The following DMD variants were observed in gnomAD, a reference collection of about 807,000 sequenced individuals.
The protein encoded by DMD is dystrophin.
In DMD, 63 loss-of-function variants were observed where a neutral mutation model predicts 330.1. The ratio of observed to expected loss-of-function variants is 0.19; its 90% CI spans 0.16 to 0.24. DMD has a LOEUF of 0.24. Ranked by LOEUF, DMD falls within the 10% of genes least tolerant of loss-of-function variation. The pLI is 1.00. For missense variants in DMD, 3,344 were observed against 2,684.1 expected (o/e 1.25, Z -5.43); for synonymous variants, 1,223 against 959.8 (o/e 1.27, Z -5.07).
chrX:32,547,860 T>A (rs968537422), intron 16 of DMD, among the ~76,000 whole-genome samples: 1 of 111,481 alleles, frequency 9.0e-6, no homozygotes, highest in Admixed American at 9.6e-5. Flanking sequence ...ACCAGAGGAA[T>A]CCTGCCTGAT....
intron 29 of DMD, among the ~76,000 whole-genome samples, chrX:32,426,383 C>T (rs943908931): frequency 2.1e-4 from 24 of 111,962 alleles, no homozygotes; most frequent in African/African-American, 7.8e-4. Context: ...AAAAAATGCT[C>T]AATATCACCA....
At chrX:32,417,370 A>G (rs747941299) in intron 29 of DMD, among the ~76,000 whole-genome samples, 3 of 111,062 alleles carry the variant, frequency 2.7e-5, no homozygotes, top group African/African-American at 6.6e-5. Flanking sequence ...GGAAAAGAAG[A>G]TGGTACTTCA....
At chrX:32,950,508 A>G (rs2091182551) in intron 2 of DMD, among the ~76,000 whole-genome samples, 1 of 110,682 alleles carries the variant, frequency 9.0e-6, no homozygotes, top group Non-Finnish European at 1.9e-5. Flanking sequence ...ACGGCCATAT[A>G]TTGTGTGATG....
chrX:32,561,243 C>G (rs1389175044), intron 16 of DMD, among the ~76,000 whole-genome samples: 1 of 111,375 alleles, frequency 9.0e-6, no homozygotes, highest in South Asian at 3.8e-4. Flanking sequence ...CCAATGCAAA[C>G]AAGCTAACAA....
chrX:31,737,526 G>C (rs776173204), intron 51 of DMD, among the ~76,000 whole-genome samples: 1 of 111,714 alleles, frequency 9.0e-6, no homozygotes, highest in South Asian at 3.7e-4. Flanking sequence ...AGCTGGGGCT[G>C]TGAGTAAAGG....
chrX:32,108,094 T>C (rs761745711), intron 44 of DMD, among the ~76,000 whole-genome samples: 1 of 111,573 alleles, frequency 9.0e-6, no homozygotes, highest in Non-Finnish European at 1.9e-5. Flanking sequence ...TAGGATGAAC[T>C]GTGACCGGAA....
chrX:32,998,660 C>G (rs186603050), intron 2 of DMD, among the ~76,000 whole-genome samples: 4,501 of 110,353 alleles, frequency 0.041, 132 homozygotes, highest in East Asian at 0.2. Flanking sequence ...TACACACACA[C>G]ACACAAATGC....
chrX:32,491,619 G>A, intron 19 of DMD, 101 bp from the exon 20 acceptor site: 1 of 802,033 alleles, frequency 1.2e-6, no homozygotes, highest in East Asian at 3.4e-5. Flanking sequence ...TTCACCACAT[G>A]AATGATTTCA....
chrX:32,408,121 T>TA (rs1195458138), intron 30 of DMD, among the ~76,000 whole-genome samples: 20 of 109,428 alleles, frequency 1.8e-4, no homozygotes, highest in Admixed American at 1.4e-3. Context: ...CTTAAAGTAT[T>TA]AAAAAAAAAG....
chrX:32,696,706 A>G (rs534731655), intron 9 of DMD, among the ~76,000 whole-genome samples: 3 of 111,035 alleles, frequency 2.7e-5, no homozygotes, highest in South Asian at 7.7e-4. Context: ...AAACCCCTAT[A>G]TCTTTGCTTG....
At chrX:32,244,279 A>G (rs893344504) in intron 43 of DMD, among the ~76,000 whole-genome samples, 1 of 105,051 alleles carries the variant, frequency 9.5e-6, no homozygotes, top group South Asian at 4.5e-4. Flanking sequence ...GTCCCTACAA[A>G]GGACATGAAC....
At chrX:32,558,253 T>A (rs1316301070) in intron 16 of DMD, among the ~76,000 whole-genome samples, 1 of 111,648 alleles carries the variant, frequency 9.0e-6, no homozygotes, top group Admixed American at 9.6e-5. Context: ...CTGTGTGAAT[T>A]AACTGCACCT....
chrX:32,350,769 C>A (rs2097778865), intron 37 of DMD, among the ~76,000 whole-genome samples: 1 of 111,300 alleles, frequency 9.0e-6, no homozygotes, highest in Non-Finnish European at 1.9e-5. Flanking sequence ...TAAAGTCCAA[C>A]CTCCAGCACA....
chrX:32,809,451 T>A (rs2077184045), intron 7 of DMD, 42 bp downstream of exon 7: 1 of 1,055,235 alleles, frequency 9.5e-7, no homozygotes, highest in Admixed American at 2.2e-5. Flanking sequence ...AACATTAAAC[T>A]CTACCATACT....
chrX:31,255,903 G>A (rs1294526620), intron 63 of DMD, among the ~76,000 whole-genome samples: 1 of 107,217 alleles, frequency 9.3e-6, no homozygotes, highest in African/African-American at 3.4e-5. Context: ...GGCCTCTTGA[G>A]TAGCTGGGAT....
chrX:32,472,455 T>G (rs1396797453), intron 21 of DMD, 146 bp from the exon 22 acceptor site: 4 of 564,541 alleles, frequency 7.1e-6, no homozygotes, highest in Non-Finnish European at 1.1e-5. Context: ...TTAATATGAT[T>G]ATGAAGATAC....
At chrX:32,158,983 G>A (rs2096839683) in intron 44 of DMD, among the ~76,000 whole-genome samples, 1 of 112,215 alleles carries the variant, frequency 8.9e-6, no homozygotes, top group Admixed American at 9.5e-5. Context: ...AACATCAATA[G>A]AGTTCACACC....
At chrX:32,598,083 C>A (rs1038660723) in intron 12 of DMD, among the ~76,000 whole-genome samples, 1 of 112,124 alleles carries the variant, frequency 8.9e-6, no homozygotes, top group African/African-American at 3.2e-5. Context: ...AATGCATGAG[C>A]ATTTTTATCC....
chrX:32,909,079 CTGTTT>C (rs1242164874), intron 2 of DMD, among the ~76,000 whole-genome samples: 1 of 104,166 alleles, frequency 9.6e-6, no homozygotes, highest in East Asian at 2.9e-4. Flanking sequence ...TACCATCTAA[CTGTTT>C]TGTTTTTATT....
Sources: allele counts gnomAD v4.1 joint callset (sites outside exome capture counted in the v4.1 genomes callset), GRCh38; gene constraint gnomAD v4.1.1; transcripts MANE v1.5; gene names NCBI Gene and HGNC (gene_info 2026-07-23, HGNC 2026-07-21).